KCP: variants seen among roughly 807,000 people sequenced by gnomAD.
KCP encodes the protein kielin/chordin-like protein.
A neutral mutation model predicts 212.7 loss-of-function variants in KCP; 194 were observed. The observed-to-expected ratio is 0.91, with a 90% CI of 0.81 to 1.03. The LOEUF (loss-of-function observed/expected upper bound fraction) is 1.03. Ranked by LOEUF, KCP falls within the 50% of genes least tolerant of loss-of-function variation. KCP has a pLI of 0.00. For missense variants in KCP, 2,080 were observed against 2,162.5 expected (o/e 0.96, Z 0.76); for synonymous variants, 833 against 865.3 (o/e 0.96, Z 0.65).
At chr7:128,886,615 G>A in intron 25 of KCP, 40 bp downstream of exon 25, 1 of 1,550,722 alleles carries the variant, frequency 6.4e-7, no homozygotes, top group Non-Finnish European at 8.7e-7. Context: ...GAGGTGCTAT[G>A]GTCCAGCTGT....
At chr7:128,895,224 T>C (rs1794443551) in intron 8 of KCP, among the ~76,000 whole-genome samples, 1 of 152,202 alleles carries the variant, frequency 6.6e-6, no homozygotes, top group African/African-American at 2.4e-5. Context: ...AACTAGCATG[T>C]CACTTAAGCT....
At chr7:128,878,830 GGGA>G in intron 37 of KCP, 108 bp from the exon 38 acceptor site, 2 of 1,158,476 alleles carry the variant, frequency 1.7e-6, no homozygotes, top group East Asian at 2.6e-5. Context: ...AGTGCTGTAG[GGGA>G]GGAGAATGGA....
intron 8 of KCP, among the ~76,000 whole-genome samples, chr7:128,898,898 G>A (rs1794680850): frequency 6.6e-6 from 1 of 152,188 alleles, no homozygotes; most frequent in Admixed American, 6.5e-5. Context: ...AGCAAAACCT[G>A]CTTGTAATCT....
In KCP at chr7:128,893,910, G is replaced by A; in HGVS notation, c.1006-11C>T. Reference sequence around the variant, plus strand: ...CTGGACACTCCCATTCTGCCAACAGGGCCTGGTCAGCACGCCAGAGGCAGG... The same window carrying A: ...CTGGACACTCCCATTCTGCCAACAGAGCCTGGTCAGCACGCCAGAGGCAGG... On this transcript the variant is annotated splice_polypyrimidine_tract_variant and intron_variant, in intron 10 of 39. Transcript: ENST00000610776. 1 of 1,550,982 alleles carries A rather than the reference G, an allele frequency of 6.4e-7. No individual in the cohort carries two copies. Among genetic ancestry groups the A allele is most frequent in the Non-Finnish European group, 8.7e-7 (1 of 1,146,884 alleles).
Position 128,878,657 on chromosome 7 carries a change from A to C in KCP, c.4212T>G (p.Cys1404Trp). 1.3e-6 allele frequency: 2 copies of C among 1,551,334 alleles called. No homozygotes were observed. The highest frequency in any genetic ancestry group is 1.7e-6 in the Non-Finnish European group (2 of 1,146,984). ...AGCCATTGAAGTTCCCACAGAGCCC[A>C]CAAGTCCGGCCCTGGTAGGAGCCAG... ...SVPGSYQGRT[C>W]GLCGNFNGFA... Residue 1404 changes from cysteine to tryptophan, a missense_variant, in exon 38 of 40, where the codon TGT becomes TGG. Coordinates refer to ENST00000610776, the MANE Select transcript of KCP (RefSeq NM_001366122.1).
rs920302537 is a variant in KCP at position 128,881,977 on chromosome 7, TCAGATCC to T, written c.3277_3283del (p.Gly1093SerfsTer2). ...GTAGCAGGGGTCTGGTGGGGCTAGC[TCAGATCC>T]CAGCAGGCCCTCTGAACAGTTACTC... On this transcript the variant is annotated frameshift_variant, in exon 30 of 40. Transcript: ENST00000610776. LOFTEE classifies it high-confidence loss of function. 1.9e-6 allele frequency: 3 copies of T among 1,550,944 alleles called. No individual in the cohort carries two copies. In the African/African-American group the frequency reaches 4.1e-5, roughly 21 times the overall value.
At chr7:128,908,698 C>A (rs772111790) in intron 1 of KCP, 130 bp from the exon 2 acceptor site, 4 of 1,001,446 alleles carry the variant, frequency 4.0e-6, no homozygotes, top group Non-Finnish European at 4.3e-6. Flanking sequence ...CAATTGCCCA[C>A]CCACCATCCA....
chr7:128,887,847 ACACATACC>A (rs1793774576), intron 22 of KCP, among the ~76,000 whole-genome samples: 2 of 148,218 alleles, frequency 1.3e-5, no homozygotes, highest in Admixed American at 1.3e-4. Context: ...ACACACATAC[ACACATACC>A]CACCTACACA....
intron 26 of KCP, among the ~76,000 whole-genome samples, chr7:128,885,669 T>TG (rs902849173): frequency 3.9e-5 from 6 of 152,136 alleles, no homozygotes; most frequent in Non-Finnish European, 8.8e-5. Flanking sequence ...ATCTGTTAAA[T>TG]GGGGATTTCC....
rs867676266 is a variant in KCP at position 128,877,496 on chromosome 7, G to A, written c.4606C>T (p.Pro1536Ser). ...QAGVTPTWRG[P>S]TLCVVGCPLE... ...ATCACCCCCTCACCACACAGCGTGGGGCCTCGCCAGGTAGGTGTCACTCCT... is the reference window on the plus strand; with the variant it reads ...ATCACCCCCTCACCACACAGCGTGGAGCCTCGCCAGGTAGGTGTCACTCCT... The change falls in exon 39 of 40, where the codon CCC becomes TCC. Residue 1536 changes from proline to serine, a missense_variant. Coordinates refer to ENST00000610776, the MANE Select transcript of KCP (RefSeq NM_001366122.1). 1.3e-6 allele frequency: 2 copies of A among 1,551,132 alleles called. No homozygotes were observed. Among genetic ancestry groups the A allele is most frequent in the Admixed American group, 2.0e-5 (1 of 51,006 alleles).
At chr7:128,886,324 G>A in intron 26 of KCP, 140 bp downstream of exon 26, 1 of 660,268 alleles carries the variant, frequency 1.5e-6, no homozygotes, top group Non-Finnish European at 2.5e-6. Flanking sequence ...AGAAGCTGAA[G>A]GTGGCAAGGG....
chr7:128,908,410 A>G lies in KCP; in HGVS notation c.219+16T>C. The G allele has an allele frequency of 1.9e-6, 3 of 1,547,284 alleles. No individual in the cohort carries two copies. The highest frequency in any genetic ancestry group is 2.6e-6 in the Non-Finnish European group (3 of 1,144,010). On this transcript the variant is annotated intron_variant, in intron 2 of 39. Coordinates refer to ENST00000610776, the MANE Select transcript of KCP (RefSeq NM_001366122.1). Reference sequence around the variant, plus strand: ...CCCTCCTTACCCAATGCAAACCAGCACTGTCTCCATGGTACCTGTTCTCTG... The same window carrying G: ...CCCTCCTTACCCAATGCAAACCAGCGCTGTCTCCATGGTACCTGTTCTCTG...
chr7:128,883,145 C>G (rs113534559), intron 29 of KCP, among the ~76,000 whole-genome samples: 1 of 143,364 alleles, frequency 7.0e-6, no homozygotes, highest in South Asian at 2.2e-4. Flanking sequence ...TTTTTTCTTT[C>G]TTTTTTTTTT....
Position 128,885,251 on chromosome 7 carries a change from T to C in KCP, c.2886A>G (p.Glu962=), listed in dbSNP as rs1459750677. 2.6e-6 allele frequency: 4 copies of C among 1,546,882 alleles called. No individual in the cohort carries two copies. Among genetic ancestry groups the C allele is most frequent in the South Asian group, 2.4e-5 (2 of 83,930 alleles). The change falls in exon 27 of 40, where the codon GAA becomes GAG. Residue 962 remains glutamate (E), a synonymous_variant. Transcript: ENST00000610776. The stretch of plus-strand genomic sequence containing the variant: ...CCCATCTACTGCCTTCGGGGTGCTC[T>C]TCCCCATGAGCCAGGCAGCCTGTGG... ...PRCRGCLAHG[E]EHPEGSRWVP... is the part of the protein sequence containing the mutation.
At position 128,887,222 on chromosome 7, in the gene KCP, G is replaced by A; in HGVS notation, c.2591C>T (p.Thr864Ile). ...DPLDPTCSLCTCQEGSMRCQK... is the reference protein window; with the variant it reads ...DPLDPTCSLCICQEGSMRCQK... Reference sequence around the variant, plus strand: ...CTAAAGGGGCTGCCTCACCTGGCAGGTGCAGAGGGAGCAGGTAGGGTCAAG... The same window carrying A: ...CTAAAGGGGCTGCCTCACCTGGCAGATGCAGAGGGAGCAGGTAGGGTCAAG... Residue 864 changes from threonine to isoleucine, a missense_variant, in exon 23 of 40, where the codon ACC becomes ATC. By Grantham distance (89) the Thr-to-Ile change is moderately conservative. Coordinates refer to ENST00000610776, the MANE Select transcript of KCP (RefSeq NM_001366122.1). 2 of 1,551,456 alleles carry A rather than the reference G, an allele frequency of 1.3e-6. No individual in the cohort carries two copies. Among genetic ancestry groups the A allele is most frequent in the Non-Finnish European group, 1.7e-6 (2 of 1,146,802 alleles).
chr7:128,897,118 T>C (rs569770077), intron 8 of KCP, among the ~76,000 whole-genome samples: 44 of 152,270 alleles, frequency 2.9e-4, no homozygotes, highest in Admixed American at 2.4e-3. Flanking sequence ...AAGAAGAATG[T>C]GTGAGCTAGT....
chr7:128,886,790 G>A (rs1329097733), intron 24 of KCP, 53 bp from the exon 25 acceptor site: 41 of 1,520,856 alleles, frequency 2.7e-5, no homozygotes, highest in South Asian at 7.2e-5. Context: ...TGCCCTGCTC[G>A]GCCCAGCCTT....
In KCP at chr7:128,889,054, A is replaced by G. The variant is rs906452442; in HGVS notation, c.2336-15T>C. On this transcript the variant is annotated splice_polypyrimidine_tract_variant and intron_variant, in intron 21 of 39. Coordinates refer to ENST00000610776, the MANE Select transcript of KCP (RefSeq NM_001366122.1). The stretch of plus-strand genomic sequence containing the variant: ...GTACTCACAGCCTTTCAGAGAAGAG[A>G]CAGAGAGGCCGAGGGGAGGGACAGA... 2.3e-5 allele frequency: 34 copies of G among 1,479,662 alleles called. No homozygotes were observed. The African/African-American group carries it at 4.6e-4, about 20-fold the overall frequency. The allele number at this position is 1,479,662 out of a possible 1,614,324, so 91.7% of individuals were successfully genotyped here.
At position 128,893,484 on chromosome 7, in the gene KCP, G is replaced by A; in HGVS notation, c.1100-8C>T. The A allele has an allele frequency of 1.3e-6, 2 of 1,540,674 alleles. No homozygotes were observed. Among genetic ancestry groups the A allele is most frequent in the African/African-American group, 2.7e-5 (2 of 72,910 alleles). ...GTCCCTGGTACTCACAGCCTGGATG[G>A]GATGACAGGGGCGTGGGGGTATAGG... On this transcript the variant is annotated splice_region_variant and splice_polypyrimidine_tract_variant and intron_variant, in intron 11 of 39. Coordinates refer to ENST00000610776, the MANE Select transcript of KCP (RefSeq NM_001366122.1).
Sources: gnomAD v4.1 joint callset for allele counts (sites outside exome capture counted in the v4.1 genomes callset) on GRCh38, gnomAD v4.1.1 for gene constraint, MANE v1.5 for transcripts, NCBI Gene and HGNC (gene_info 2026-07-23, HGNC 2026-07-21) for gene names.